Variants in KATNIP observed in about 807,000 individuals in gnomAD.
KATNIP encodes the protein katanin interacting protein.
Under a neutral mutation model 174.0 loss-of-function variants are expected in KATNIP, and 126 were observed. The observed-to-expected ratio is 0.72, with a 90% confidence interval of 0.63 to 0.84. KATNIP has a LOEUF of 0.84. KATNIP is among the 40% of genes least tolerant of loss of function. KATNIP has a pLI of 0.00. For missense variants in KATNIP, 1,958 were observed against 2,109.7 expected (o/e 0.93, Z 1.41); for synonymous variants, 810 against 835.7 (o/e 0.97, Z 0.53).
chr16:27,630,513 C>G (rs559059765), intron 4 of KATNIP, among the ~76,000 whole-genome samples: 1 of 152,160 alleles, frequency 6.6e-6, no homozygotes, highest in African/African-American at 2.4e-5. Context: ...CTTGAGCTCC[C>G]CAGCCCCCAG....
At chr16:27,607,594 CTTTTTTTTTTTTT>C (rs33954778) in intron 2 of KATNIP, among the ~76,000 whole-genome samples, 1 of 78,902 alleles carries the variant, frequency 1.3e-5, no homozygotes, top group Non-Finnish European at 2.4e-5. Flanking sequence ...CAGTCAGTGT[CTTTTTTTTTTTTT>C]TTTTTTTTGA....
Position 27,777,451 on chromosome 16 carries a change from T to C in KATNIP, c.4552-159T>C, listed in dbSNP as rs569196487. 4.4e-4 allele frequency among the ~76,000 whole-genome samples: 67 copies of C among 152,340 alleles called. No individual in the cohort carries two copies. Among genetic ancestry groups the C allele is most frequent in the Non-Finnish European group, 8.1e-4 (55 of 68,020 alleles). On this transcript the variant is annotated intron_variant, in intron 25 of 27. Coordinates refer to ENST00000261588, the MANE Select transcript of KATNIP (RefSeq NM_015202.5). The surrounding 1 kb of genome is among the most constrained non-coding windows in gnomAD (Gnocchi z 4.4). Reference sequence around the variant, plus strand: ...GCCTTTCCCAATGGTTGTGAAGATCTGAAATCACAAGGCAGACACAGCACA... The same window carrying C: ...GCCTTTCCCAATGGTTGTGAAGATCCGAAATCACAAGGCAGACACAGCACA...
At position 27,774,948 on chromosome 16, in the gene KATNIP, T is replaced by C. The variant is rs1216498180; in HGVS notation, c.4313T>C (p.Ile1438Thr). 6.2e-7 allele frequency: 1 copy of C among 1,613,846 alleles called. No homozygotes were observed. Among genetic ancestry groups the C allele is most frequent in the Non-Finnish European group, 8.5e-7 (1 of 1,179,920 alleles). Reference protein sequence around the residue: ...GEKIPLSENNIAAFPDSVNSL... With the variant: ...GEKIPLSENNTAAFPDSVNSL... ...GGCAACTTAGACGTCTCCTCAGATA[T>C]TGCGGCCTTCCCCGACAGCGTGAAC... Residue 1438 changes from isoleucine (I) to threonine (T), a missense_variant, in exon 24 of 28, where the codon ATT (isoleucine) becomes ACT (threonine). Transcript: ENST00000261588.
intron 1 of KATNIP, among the ~76,000 whole-genome samples, chr16:27,554,789 C>CTTTT (rs563621813): frequency 1.3e-5 from 1 of 77,806 alleles, no homozygotes; most frequent in African/African-American, 5.0e-5. Context: ...TTGATTTACA[C>CTTTT]TTTTTTTTTT....
intron 1 of KATNIP, among the ~76,000 whole-genome samples, chr16:27,568,393 A>C (rs1290133468): frequency 1.3e-5 from 2 of 152,222 alleles, no homozygotes; most frequent in Non-Finnish European, 2.9e-5. Flanking sequence ...TGATATTGCT[A>C]GCTCAAAGGA....
chr16:27,745,515 G>A (rs2081260025), intron 15 of KATNIP, among the ~76,000 whole-genome samples: 1 of 152,200 alleles, frequency 6.6e-6, no homozygotes, highest in African/African-American at 2.4e-5. Context: ...GGTCTACTTG[G>A]GTCAGGTGTC....
chr16:27,649,160 G>T (rs546902127), intron 6 of KATNIP, among the ~76,000 whole-genome samples: 5 of 152,356 alleles, frequency 3.3e-5, no homozygotes, highest in African/African-American at 1.2e-4. Context: ...CTGATGCTCA[G>T]CCTGTCCACA....
intron 1 of KATNIP, among the ~76,000 whole-genome samples, chr16:27,560,138 C>T (rs902266859): frequency 2.6e-5 from 4 of 151,780 alleles, no homozygotes; most frequent in Non-Finnish European, 5.9e-5. Flanking sequence ...AAAAATTAGC[C>T]GGGCGTGGTG....
chr16:27,586,099 T>C (rs2090888105), intron 2 of KATNIP, among the ~76,000 whole-genome samples: 1 of 151,908 alleles, frequency 6.6e-6, no homozygotes, highest in Non-Finnish European at 1.5e-5. Flanking sequence ...AGACTCTGTC[T>C]CAAAAAAATA....
chr16:27,750,718 C>T (rs2081479570), intron 16 of KATNIP, among the ~76,000 whole-genome samples: 1 of 149,012 alleles, frequency 6.7e-6, no homozygotes, highest in Non-Finnish European at 1.5e-5. Flanking sequence ...AGGCGTGAGC[C>T]ACCGCGCCCA....
rs754488703 is a variant in KATNIP at position 27,773,133 on chromosome 16, C to T, written c.4233C>T (p.Gly1411=). ...AGTTTCAGCTTCTCACCAGCTGGGG[C>T]GACCCCTACTACATCGGCCTCACCG... The part of the protein sequence containing the change: ...IFQFQLLTSW[G]DPYYIGLTGL... Residue 1411 remains glycine, a synonymous_variant, in exon 23 of 28, where the codon GGC becomes GGT. Coordinates refer to ENST00000261588, the MANE Select transcript of KATNIP (RefSeq NM_015202.5). The T allele has an allele frequency of 9.3e-6, 15 of 1,611,978 alleles. No homozygotes were observed. The highest frequency in any genetic ancestry group is 1.6e-4 in the Middle Eastern group (1 of 6,076).
intron 4 of KATNIP, among the ~76,000 whole-genome samples, chr16:27,630,353 G>A (rs1275326905): frequency 6.6e-6 from 1 of 152,242 alleles, no homozygotes; most frequent in Non-Finnish European, 1.5e-5. Flanking sequence ...ACTGATTTGT[G>A]TTATTCTAAT....
At position 27,618,517 on chromosome 16, in the gene KATNIP, C is replaced by CGACGG; in HGVS notation, c.140+17_140+21dup. On this transcript the variant is annotated intron_variant, in intron 3 of 27. Transcript: ENST00000261588. ...AGAGGAACCGGTAAGAGAAGCCACTCGACGGCAGCCCTTGATATTAGCGAA... is the reference window on the plus strand; with the variant it reads ...AGAGGAACCGGTAAGAGAAGCCACTCGACGGGACGGCAGCCCTTGATATTAGCGAA... The CGACGG allele has an allele frequency of 6.4e-7, 1 of 1,561,326 alleles. No individual in the cohort carries two copies. Among genetic ancestry groups the CGACGG allele is most frequent in the Non-Finnish European group, 8.8e-7 (1 of 1,132,124 alleles).
intron 18 of KATNIP, among the ~76,000 whole-genome samples, chr16:27,760,296 G>A (rs1389639984): frequency 6.6e-6 from 1 of 152,166 alleles, no homozygotes; most frequent in East Asian, 1.9e-4. Flanking sequence ...AGGGCAGAAG[G>A]GTTTATTGTG....
chr16:27,657,444 A>G (rs1461794337), intron 6 of KATNIP, among the ~76,000 whole-genome samples: 1 of 152,140 alleles, frequency 6.6e-6, no homozygotes, highest in Admixed American at 6.6e-5. Flanking sequence ...ATAGAGAAAA[A>G]TGGCCGGGCA....
Position 27,578,490 on chromosome 16 carries a change from T to C in KATNIP, c.63+4534T>C, listed in dbSNP as rs1386043741. The stretch of plus-strand genomic sequence containing the variant: ...AGAAGAGAATGATAAACATTATAGA[T>C]GAGCCCCAAATAAAGCTCCAGGGAG... On this transcript the variant is annotated intron_variant, in intron 2 of 27. Coordinates refer to ENST00000261588, the MANE Select transcript of KATNIP (RefSeq NM_015202.5). 4.6e-5 allele frequency among the ~76,000 whole-genome samples: 7 copies of C among 152,140 alleles called. No homozygotes were observed. The East Asian group carries it at 1.3e-3, about 29-fold the overall frequency.
intron 1 of KATNIP, among the ~76,000 whole-genome samples, chr16:27,551,344 C>CTTAAA (rs2089355145): frequency 6.6e-6 from 1 of 152,112 alleles, no homozygotes; most frequent in Non-Finnish European, 1.5e-5. Flanking sequence ...AACATTCTGT[C>CTTAAA]ATATGCTTAA....
chr16:27,726,756 A>G (rs1424377140), intron 14 of KATNIP, among the ~76,000 whole-genome samples: 3 of 152,234 alleles, frequency 2.0e-5, no homozygotes, highest in African/African-American at 7.2e-5. Context: ...AGTGATGACC[A>G]GGAGCAGCCA....
rs778865855 is a variant in KATNIP at position 27,778,776 on chromosome 16, A to C, written c.*147A>C. On this transcript the variant is annotated 3_prime_UTR_variant, in exon 28 of 28. Transcript: ENST00000261588. Reference sequence around the variant, plus strand: ...GCCCGCTGGGAAGAGGGGACTCGGGAGGACAGCCCTGGATACTACCAGAGT... The same window carrying C: ...GCCCGCTGGGAAGAGGGGACTCGGGCGGACAGCCCTGGATACTACCAGAGT... The C allele has an allele frequency of 3.9e-4, 267 of 685,726 alleles. 1 individual carries two copies. The highest frequency in any genetic ancestry group is 5.9e-4 in the Admixed American group (21 of 35,842). 42.5% of individuals were successfully genotyped at this position (685,726 alleles called of 1,614,324 possible).
Sources: allele counts gnomAD v4.1 joint callset (sites outside exome capture counted in the v4.1 genomes callset), GRCh38; gene constraint gnomAD v4.1.1; non-coding constraint Gnocchi (gnomAD v3.1); transcripts MANE v1.5; gene names NCBI Gene and HGNC (gene_info 2026-07-23, HGNC 2026-07-21).